Variants in TMEM61 observed in about 807,000 individuals in gnomAD.
The protein encoded by TMEM61 is transmembrane protein 61.
A neutral mutation model predicts 12.0 loss-of-function variants in TMEM61; 13 were observed. The observed-to-expected ratio is 1.08, with a 90% CI of 0.70 to 1.72. TMEM61 has a LOEUF of 1.72. TMEM61 is among the 40% of genes most tolerant of loss of function. TMEM61 has a pLI of 0.00. For synonymous variants in TMEM61, 109 were observed against 121.4 expected (o/e 0.90, Z 0.67); for missense variants, 249 against 276.9 (o/e 0.90, Z 0.71).
chr1:54,987,635 A>G (rs1456340738), intron 2 of TMEM61, among the ~76,000 whole-genome samples: 1 of 152,110 alleles, frequency 6.6e-6, no homozygotes, highest in African/African-American at 2.4e-5. Context: ...GTGCCTATGT[A>G]CTAGGGGCCT....
At position 54,986,175 on chromosome 1, in the gene TMEM61, A is replaced by G. The variant is rs1300255096; in HGVS notation, c.94A>G (p.Thr32Ala). 1 of 1,613,390 alleles carries G rather than the reference A, an allele frequency of 6.2e-7. No homozygotes were observed. Among genetic ancestry groups the G allele is most frequent in the Non-Finnish European group, 8.5e-7 (1 of 1,179,626 alleles). ...CGGCACAGTGGTTCTGGTGGCCGGGACGCTCTGCTTCGCTTGGTGGAGCGA... is the reference window on the plus strand; with the variant it reads ...CGGCACAGTGGTTCTGGTGGCCGGGGCGCTCTGCTTCGCTTGGTGGAGCGA... ...VSGTVVLVAG[T>A]LCFAWWSEGD... is the part of the protein sequence containing the mutation. The change falls in exon 2 of 3, where the codon ACG (threonine) becomes GCG (alanine). Residue 32 changes from threonine to alanine, a missense_variant. Thr to Ala is a moderately conservative substitution (Grantham distance 58). Coordinates refer to ENST00000371268, the MANE Select transcript of TMEM61 (RefSeq NM_182532.3).
intron 2 of TMEM61, among the ~76,000 whole-genome samples, chr1:54,987,270 C>G (rs181796790): frequency 4.6e-5 from 7 of 152,312 alleles, no homozygotes; most frequent in African/African-American, 1.2e-4. Context: ...AACTTTTCCT[C>G]TAGTGGACAT....
intron 2 of TMEM61, among the ~76,000 whole-genome samples, chr1:54,989,436 G>A (rs1644280960): frequency 6.6e-6 from 1 of 152,242 alleles, no homozygotes. Flanking sequence ...AGGCAGTGGA[G>A]CTGGTGCCAG....
Position 54,990,748 on chromosome 1 carries a change from C to T in TMEM61, c.366-1088C>T, listed in dbSNP as rs1420032391. On this transcript the variant is annotated intron_variant, in intron 2 of 2. Transcript: ENST00000371268. ...CCCCTTGAGATTCTGCTCATAACCC[C>T]ACTTACGTCCCGGGCGCTGAGTGCT... is the stretch of plus-strand genomic sequence containing the variant. 9.9e-5 allele frequency among the ~76,000 whole-genome samples: 15 copies of T among 152,160 alleles called. 1 individual carries two copies. The highest frequency in any genetic ancestry group is 9.8e-4 in the Admixed American group (15 of 15,272).
At position 54,986,372 on chromosome 1, in the gene TMEM61, T is replaced by A. The variant is rs150272316; in HGVS notation, c.291T>A (p.Pro97=). ...WSVKASIPGP[P]RWDPYHLSRD... Reference sequence around the variant, plus strand: ...TCAAGGCCAGCATCCCAGGGCCACCTCGATGGGACCCCTATCACCTCTCCA... The same window carrying A: ...TCAAGGCCAGCATCCCAGGGCCACCACGATGGGACCCCTATCACCTCTCCA... The change falls in exon 2 of 3, where the codon CCT becomes CCA. Residue 97 remains proline, a synonymous_variant. Coordinates refer to ENST00000371268, the MANE Select transcript of TMEM61 (RefSeq NM_182532.3). 662 of 1,612,998 alleles carry A rather than the reference T, an allele frequency of 4.1e-4. 1 individual carries two copies. In the African/African-American group the frequency reaches 7.7e-3, roughly 19 times the overall value.
chr1:54,983,433 AATT>A (rs1010358129), intron 1 of TMEM61, among the ~76,000 whole-genome samples: 5 of 151,998 alleles, frequency 3.3e-5, no homozygotes, highest in African/African-American at 1.2e-4. Context: ...TGTATTTTTA[AATT>A]TTTATTCTCT....
intron 1 of TMEM61, among the ~76,000 whole-genome samples, chr1:54,982,463 G>A (rs1202038305): frequency 6.6e-6 from 1 of 152,160 alleles, no homozygotes; most frequent in Non-Finnish European, 1.5e-5. Flanking sequence ...TCATCCAGTG[G>A]ACATTGACCT....
chr1:54,986,142 A>G lies in TMEM61; in HGVS notation c.61A>G (p.Thr21Ala), dbSNP rs1361895620. ...HLASTLRYCMTVSGTVVLVAG... is the reference protein window; with the variant it reads ...HLASTLRYCMAVSGTVVLVAG... ...GGCCTCCACCCTCCGCTATTGCATG[A>G]CAGTCAGCGGCACAGTGGTTCTGGT... The change falls in exon 2 of 3, where the codon ACA becomes GCA. Residue 21 changes from threonine to alanine, a missense_variant. Physicochemically the swap from Thr to Ala is moderately conservative, Grantham distance 58. Coordinates refer to ENST00000371268, the MANE Select transcript of TMEM61 (RefSeq NM_182532.3). 6.2e-7 allele frequency: 1 copy of G among 1,608,566 alleles called. No individual in the cohort carries two copies. Among genetic ancestry groups the G allele is most frequent in the Non-Finnish European group, 8.5e-7 (1 of 1,176,024 alleles).
intron 2 of TMEM61, 90 bp from the exon 3 acceptor site, chr1:54,991,745 CT>C: frequency 6.8e-7 from 1 of 1,461,116 alleles, no homozygotes. Flanking sequence ...GGTGTGAAGA[CT>C]TCTCTGCCCC....
chr1:54,980,997 T>C lies in TMEM61; in HGVS notation c.-69T>C. The C allele has an allele frequency of 1.3e-6, 2 of 1,504,178 alleles. No homozygotes were observed. Among genetic ancestry groups the C allele is most frequent in the Non-Finnish European group, 1.8e-6 (2 of 1,120,164 alleles). The allele number at this position is 1,504,178 out of a possible 1,614,324, so 93.2% of individuals were successfully genotyped here. ...GTAGGGTCGCTCAGCCCTGGCGTCC[T>C]CCACCACCACACCTTCACCTGCGCC... On this transcript the variant is annotated 5_prime_UTR_variant, in exon 1 of 3. Transcript: ENST00000371268.
chr1:54,991,086 C>T (rs1296034083), intron 2 of TMEM61, among the ~76,000 whole-genome samples: 1 of 152,218 alleles, frequency 6.6e-6, no homozygotes, highest in African/African-American at 2.4e-5. Context: ...CAGAGATGAC[C>T]CGCCAGGGCT....
At position 54,991,909 on chromosome 1, in the gene TMEM61, C is replaced by G. The variant is rs1644301901; in HGVS notation, c.439C>G (p.Pro147Ala). Residue 147 changes from proline to alanine, a missense_variant, in exon 3 of 3, where the codon CCA (proline) becomes GCA (alanine). Transcript: ENST00000371268. ...SFPVAEGPPT[P>A]PAYPTEEALE... ...CCCAGTGGCCGAGGGGCCCCCAACACCACCTGCATACCCTACGGAGGAAGC... is the reference window on the plus strand; with the variant it reads ...CCCAGTGGCCGAGGGGCCCCCAACAGCACCTGCATACCCTACGGAGGAAGC... 1 of 1,614,094 alleles carries G rather than the reference C, an allele frequency of 6.2e-7. No individual in the cohort carries two copies. The highest frequency in any genetic ancestry group is 8.5e-7 in the Non-Finnish European group (1 of 1,180,046).
chr1:54,991,708 C>T, intron 2 of TMEM61, 128 bp from the exon 3 acceptor site: 1 of 1,176,592 alleles, frequency 8.5e-7, no homozygotes, highest in Non-Finnish European at 1.2e-6. Flanking sequence ...ATATGTGACC[C>T]TGGAGAGCCA....
intron 2 of TMEM61, among the ~76,000 whole-genome samples, chr1:54,987,451 A>G (rs1644268407): frequency 6.6e-6 from 1 of 151,832 alleles, no homozygotes. Flanking sequence ...ATCCTCTTCC[A>G]TGAAATTGTA....
chr1:54,989,906 A>G (rs1293443249), intron 2 of TMEM61, among the ~76,000 whole-genome samples: 2 of 151,674 alleles, frequency 1.3e-5, no homozygotes, highest in Admixed American at 6.6e-5. Context: ...CTGGAAGCTA[A>G]TTACTTACAC....
intron 1 of TMEM61, among the ~76,000 whole-genome samples, chr1:54,984,044 T>TCA (rs1644242150): frequency 6.6e-6 from 1 of 152,098 alleles, no homozygotes; most frequent in East Asian, 1.9e-4. Flanking sequence ...TCTCTCTCTC[T>TCA]CACACACACA....
intron 2 of TMEM61, among the ~76,000 whole-genome samples, chr1:54,991,453 C>T (rs994800598): frequency 2.0e-5 from 3 of 152,256 alleles, no homozygotes; most frequent in East Asian, 1.9e-4. Context: ...TTTCAATAGG[C>T]GGGAGTCTTC....
chr1:54,981,316 A>T (rs1221940105), intron 1 of TMEM61, among the ~76,000 whole-genome samples: 4 of 152,218 alleles, frequency 2.6e-5, no homozygotes, highest in Non-Finnish European at 5.9e-5. Context: ...AGAAAGCGGC[A>T]TCTAAAGTGC....
intron 1 of TMEM61, among the ~76,000 whole-genome samples, chr1:54,983,109 GT>G (rs780127208): frequency 0.011 from 1,222 of 109,526 alleles, 44 homozygotes; most frequent in African/African-American, 0.037. Flanking sequence ...GTTTTGCTTT[GT>G]TTTTTTTTTT....
Sources: allele counts gnomAD v4.1 joint callset (sites outside exome capture counted in the v4.1 genomes callset), GRCh38; gene constraint gnomAD v4.1.1; transcripts MANE v1.5; gene names NCBI Gene and HGNC (gene_info 2026-07-23, HGNC 2026-07-21).